The following CFAP57 variants were observed in gnomAD, a reference collection of about 807,000 sequenced individuals.
CFAP57 encodes cilia- and flagella-associated protein 57.
A neutral mutation model predicts 146.8 loss-of-function variants in CFAP57; 116 were observed. The observed-to-expected ratio is 0.79, with a 90% CI of 0.68 to 0.92. CFAP57 has a LOEUF of 0.92. Among genes scored for constraint, CFAP57 ranks in the 40% least tolerant of loss-of-function variants. The pLI, the probability that CFAP57 is intolerant of heterozygous loss-of-function variation, is 0.00. For missense variants in CFAP57, 1,377 were observed against 1,527.2 expected (o/e 0.90, Z 1.64); for synonymous variants, 518 against 552.8 (o/e 0.94, Z 0.88).
At chr1:43,244,924 C>CA (rs1345469920) in intron 22 of CFAP57, among the ~76,000 whole-genome samples, 13 of 151,868 alleles carry the variant, frequency 8.6e-5, no homozygotes, top group Non-Finnish European at 1.8e-4. Flanking sequence ...AACAAAAAAA[C>CA]AAAAAAACCT....
intron 21 of CFAP57, among the ~76,000 whole-genome samples, chr1:43,241,503 G>A (rs1405275448): frequency 6.6e-6 from 1 of 152,088 alleles, no homozygotes; most frequent in African/African-American, 2.4e-5. Flanking sequence ...TCACAGCTCA[G>A]GGAGAACAGT....
intron 2 of CFAP57, among the ~76,000 whole-genome samples, chr1:43,175,640 T>C (rs572303630): frequency 6.6e-6 from 1 of 152,062 alleles, no homozygotes; most frequent in East Asian, 1.9e-4. Context: ...ACCTCCTGAA[T>C]AGCTGGGAAT....
intron 21 of CFAP57, among the ~76,000 whole-genome samples, chr1:43,235,726 C>T (rs535907472): frequency 4.6e-5 from 7 of 152,184 alleles, no homozygotes; most frequent in Non-Finnish European, 1.0e-4. Flanking sequence ...CAGCCGCACA[C>T]TGAGCCACTG....
At chr1:43,198,459 C>T (rs1352886201) in intron 7 of CFAP57, 22 bp from the exon 8 acceptor site, 1 of 1,612,810 alleles carries the variant, frequency 6.2e-7, no homozygotes, top group Non-Finnish European at 8.5e-7. Context: ...GCTTACAATT[C>T]AGTAATTGAT....
chr1:43,198,365 A>C (rs1643956080), intron 7 of CFAP57, 116 bp from the exon 8 acceptor site: 1 of 1,195,324 alleles, frequency 8.4e-7, no homozygotes, highest in Admixed American at 2.0e-5. Context: ...GGAACCAACA[A>C]TTGCAAACAG....
At chr1:43,172,563 G>GGGGGAGGGGAAA (rs1402095007) in intron 1 of CFAP57, 110 bp downstream of exon 1, 5 of 769,814 alleles carry the variant, frequency 6.5e-6, no homozygotes, top group African/African-American at 4.4e-5. Flanking sequence ...GGAGGACCCC[G>GGGGGAGGGGAAA]GGGGAGGGGA....
rs1177888647 is a variant in CFAP57 at position 43,234,511 on chromosome 1, T to G, written c.3278T>G (p.Leu1093Arg). 6.5e-7 allele frequency: 1 copy of G among 1,549,918 alleles called. No homozygotes were observed. The highest frequency in any genetic ancestry group is 1.2e-5 in the South Asian group (1 of 83,962). Residue 1093 changes from leucine (L) to arginine (R), a missense_variant, in exon 21 of 23, where the codon CTG (leucine) becomes CGG (arginine). Coordinates refer to ENST00000372492, the MANE Select transcript of CFAP57 (RefSeq NM_001378189.1). ...CCCCGTCAGGTGGAGATCGCAGGGC[T>G]GAACACAGACCTGCAGCAGGAGTAC... ...QRADMVEIAG[L>R]NTDLQQEYTR...
chr1:43,172,946 GTA>G (rs1341647141), intron 2 of CFAP57, 36 bp downstream of exon 2: 1 of 1,588,174 alleles, frequency 6.3e-7, no homozygotes, highest in Non-Finnish European at 8.6e-7. Context: ...TACAGGAATG[GTA>G]TGTGCCACAT....
intron 22 of CFAP57, chr1:43,250,252 C>T (rs369134324): frequency 1.3e-5 from 2 of 152,160 alleles, no homozygotes; most frequent in African/African-American, 2.4e-5. Context: ...CCAATACAAG[C>T]GTACTGGTTT....
chr1:43,183,724 A>G lies in CFAP57; in HGVS notation c.608A>G (p.His203Arg), dbSNP rs751358929. The G allele has an allele frequency of 9.9e-6, 16 of 1,613,980 alleles. No homozygotes were observed. Among genetic ancestry groups the G allele is most frequent in the Non-Finnish European group, 1.3e-5 (15 of 1,179,960 alleles). Residue 203 changes from histidine (H) to arginine (R), a missense_variant, in exon 4 of 23, where the codon CAC (histidine) becomes CGC (arginine). His to Arg is a conservative substitution (Grantham distance 29, BLOSUM62 0). Transcript: ENST00000372492. ...GGAGAACCCCAAAACTATCTAGCTC[A>G]CACCTGGGTGGCTGATGACAAGATT... Reference protein sequence around the residue: ...QRGEPQNYLAHTWVADDKIVV... With the variant: ...QRGEPQNYLARTWVADDKIVV...
intron 6 of CFAP57, 77 bp from the exon 7 acceptor site, chr1:43,197,476 G>T: frequency 6.3e-7 from 1 of 1,594,556 alleles, no homozygotes; most frequent in South Asian, 1.1e-5. Flanking sequence ...TAATGTTCAT[G>T]GGAACTAATT....
At chr1:43,214,008 T>A (rs952867846) in intron 11 of CFAP57, among the ~76,000 whole-genome samples, 3 of 151,648 alleles carry the variant, frequency 2.0e-5, no homozygotes, top group African/African-American at 7.3e-5. Context: ...TGCCTCAGCC[T>A]CCCGAGTAGC....
chr1:43,216,790 G>A (rs613956), intron 12 of CFAP57, among the ~76,000 whole-genome samples: 10,329 of 152,134 alleles, frequency 0.068, 443 homozygotes, highest in African/African-American at 0.12. Flanking sequence ...TATAGTCTAA[G>A]TAACTCTCAG....
chr1:43,198,424 T>C, intron 7 of CFAP57, 57 bp from the exon 8 acceptor site: 3 of 1,565,400 alleles, frequency 1.9e-6, no homozygotes, highest in Middle Eastern at 1.7e-4. Flanking sequence ...ATACAGTAGA[T>C]GACTGGAAGG....
chr1:43,226,931 A>G (rs1645265340), intron 17 of CFAP57, 52 bp from the exon 18 acceptor site: 2 of 1,443,334 alleles, frequency 1.4e-6, no homozygotes, highest in African/African-American at 1.4e-5. Context: ...AAAGGGCTGC[A>G]GTATACCAGG....
chr1:43,194,428 C>T (rs1024561046), intron 6 of CFAP57, among the ~76,000 whole-genome samples: 1 of 152,028 alleles, frequency 6.6e-6, no homozygotes, highest in Non-Finnish European at 1.5e-5. Context: ...TTGTGGAACT[C>T]TTTGTGTTTT....
At chr1:43,212,988 T>G (rs1389577748) in intron 11 of CFAP57, among the ~76,000 whole-genome samples, 3 of 151,876 alleles carry the variant, frequency 2.0e-5, no homozygotes, top group Admixed American at 6.6e-5. Context: ...TTCTTCTATC[T>G]AATGTTTGTA....
In CFAP57 at chr1:43,238,712, A is replaced by T. The variant is rs184774467; in HGVS notation, c.3405+4074A>T. On this transcript the variant is annotated intron_variant, in intron 21 of 22. Coordinates refer to ENST00000372492, the MANE Select transcript of CFAP57 (RefSeq NM_001378189.1). The surrounding 1 kb of genome is among the most constrained non-coding windows in gnomAD (Gnocchi z 4.3). Reference sequence around the variant, plus strand: ...GGTAGCCCAACTTATACTTATTGGGAGTGTCCTTGGCCATCATACTATGTG... The same window carrying T: ...GGTAGCCCAACTTATACTTATTGGGTGTGTCCTTGGCCATCATACTATGTG... Among the ~76,000 whole-genome samples, 17 of 152,246 alleles carry T rather than the reference A, an allele frequency of 1.1e-4. No homozygotes were observed. The East Asian group carries it at 2.7e-3, about 24-fold the overall frequency.
At chr1:43,242,912 A>G (rs1645981200) in intron 21 of CFAP57, among the ~76,000 whole-genome samples, 1 of 152,140 alleles carries the variant, frequency 6.6e-6, no homozygotes, top group Non-Finnish European at 1.5e-5. Flanking sequence ...TGATATAATA[A>G]TAGCCATAGG....
Sources: gnomAD v4.1 joint callset for allele counts (sites outside exome capture counted in the v4.1 genomes callset) on GRCh38, gnomAD v4.1.1 for gene constraint, Gnocchi (gnomAD v3.1) non-coding constraint, MANE v1.5 for transcripts, NCBI Gene and HGNC (gene_info 2026-07-23, HGNC 2026-07-21) for gene names.